Variants in RERE observed in about 807,000 individuals in gnomAD.
RERE encodes arginine-glutamic acid dipeptide repeats.
Under a neutral mutation model 146.1 loss-of-function variants are expected in RERE, and 40 were observed. The ratio of observed to expected loss-of-function variants is 0.27; its 90% confidence interval spans 0.21 to 0.36. The LOEUF (loss-of-function observed/expected upper bound fraction) is 0.36, where lower values mean the gene tolerates loss of function less well. RERE is among the 10% of genes least tolerant of loss of function. The pLI is 1.00. For missense variants in RERE, 1,933 were observed against 2,138.7 expected (o/e 0.90, Z 1.90); for synonymous variants, 1,003 against 866.0 (o/e 1.16, Z -2.78).
Position 8,726,147 on chromosome 1 carries a change from C to CTTTTTT in RERE, c.-144-69712_-144-69707dup, listed in dbSNP as rs70985511. ...AATTCCAGTTTTCCTTTTTTCTTTT[C>CTTTTTT]TTTTTTTTTTTTTTTTTTTTTTTTT... On this transcript the variant is annotated intron_variant, in intron 1 of 22. Coordinates refer to ENST00000400908, the MANE Select transcript of RERE (RefSeq NM_001042681.2). 4.7e-3 allele frequency among the ~76,000 whole-genome samples: 323 copies of CTTTTTT among 69,422 alleles called. 1 individual carries two copies. Among genetic ancestry groups the CTTTTTT allele is most frequent in the Non-Finnish European group, 5.6e-3 (227 of 40,378 alleles). 45.5% of individuals were successfully genotyped at this position (69,422 alleles called of 152,430 possible). A position where few individuals can be genotyped will look rare whatever the true frequency, so the allele number is the denominator to read the frequency against.
At chr1:8,608,549 G>T (rs1214906211) in intron 4 of RERE, among the ~76,000 whole-genome samples, 1 of 151,994 alleles carries the variant, frequency 6.6e-6, no homozygotes, top group South Asian at 2.1e-4. Context: ...CCCAAGAAAG[G>T]CAGGGCTGAA....
intron 9 of RERE, 76 bp from the exon 10 acceptor site, chr1:8,495,238 G>T: frequency 9.1e-7 from 1 of 1,093,206 alleles, no homozygotes; most frequent in Non-Finnish European, 1.4e-6. Flanking sequence ...AATTTTCAGA[G>T]GACATTTCCA....
At chr1:8,493,344 C>G (rs752551251) in intron 10 of RERE, among the ~76,000 whole-genome samples, 6 of 152,202 alleles carry the variant, frequency 3.9e-5, no homozygotes, top group Non-Finnish European at 7.3e-5. Flanking sequence ...AAAATCCCCA[C>G]TAACTATCCT....
At chr1:8,806,807 T>C (rs1186278885) in intron 1 of RERE, 1 of 152,200 alleles carries the variant, frequency 6.6e-6, no homozygotes, top group East Asian at 1.9e-4. Context: ...CCTGCTGTCA[T>C]CATATTCTTG....
intron 1 of RERE, among the ~76,000 whole-genome samples, chr1:8,784,371 C>T (rs189837453): frequency 2.6e-4 from 39 of 152,288 alleles, no homozygotes; most frequent in Admixed American, 2.6e-3. Flanking sequence ...ATTTATCATA[C>T]TCTAATATAC....
chr1:8,584,131 C>A (rs1313222791), intron 4 of RERE, among the ~76,000 whole-genome samples: 1 of 151,740 alleles, frequency 6.6e-6, no homozygotes, highest in Non-Finnish European at 1.5e-5. Flanking sequence ...TAAGACTAAA[C>A]CCGAAGCAAT....
At chr1:8,438,008 C>T (rs952931404) in intron 11 of RERE, among the ~76,000 whole-genome samples, 5 of 152,010 alleles carry the variant, frequency 3.3e-5, no homozygotes, top group Non-Finnish European at 7.4e-5. Flanking sequence ...TTTTTAGAGA[C>T]AGGGTCTTGC....
At chr1:8,661,463 T>A (rs1171345820) in intron 1 of RERE, among the ~76,000 whole-genome samples, 1 of 152,124 alleles carries the variant, frequency 6.6e-6, no homozygotes, top group Non-Finnish European at 1.5e-5. Context: ...AAGAAAGGCA[T>A]GATCTGACTT....
intron 12 of RERE, among the ~76,000 whole-genome samples, chr1:8,412,602 A>G (rs988626435): frequency 3.3e-5 from 5 of 152,248 alleles, no homozygotes; most frequent in African/African-American, 1.2e-4. Context: ...ACTGCTTAAG[A>G]CAGTATTTTA....
chr1:8,627,612 A>C (rs968073156), intron 2 of RERE, among the ~76,000 whole-genome samples: 3 of 150,568 alleles, frequency 2.0e-5, no homozygotes, highest in Non-Finnish European at 4.4e-5. Context: ...AAAAAAAAAA[A>C]CCTGAAATAA....
chr1:8,414,322 G>A (rs1570180178), intron 12 of RERE, among the ~76,000 whole-genome samples: 2 of 152,022 alleles, frequency 1.3e-5, no homozygotes, highest in Admixed American at 6.6e-5. Context: ...AGAGGCGGGC[G>A]AATCATGAGG....
At position 8,609,941 on chromosome 1, in the gene RERE, C is replaced by T. The variant is rs549334015; in HGVS notation, c.522+4620G>A. On this transcript the variant is annotated intron_variant, in intron 4 of 22. Coordinates refer to ENST00000400908, the MANE Select transcript of RERE (RefSeq NM_001042681.2). ...ATGCCACCACACCCAGATAATTTTT[C>T]ATTTTTTCGCAGAGATGGGATTTCA... is the stretch of plus-strand genomic sequence containing the variant. Among the ~76,000 whole-genome samples the T allele has an allele frequency of 5.3e-5, 8 of 152,108 alleles. No individual in the cohort carries two copies. The South Asian group carries it at 1.5e-3, about 28-fold the overall frequency.
At chr1:8,579,665 A>G (rs1646339959) in intron 4 of RERE, among the ~76,000 whole-genome samples, 1 of 152,228 alleles carries the variant, frequency 6.6e-6, no homozygotes, top group African/African-American at 2.4e-5. Flanking sequence ...AATGGTTCTT[A>G]ACTTTTGCTA....
intron 12 of RERE, among the ~76,000 whole-genome samples, chr1:8,414,401 C>T (rs2124461302): frequency 6.6e-6 from 1 of 151,768 alleles, no homozygotes; most frequent in African/African-American, 2.4e-5. Context: ...ACTAAAAATA[C>T]AAAACTCAGC....
At chr1:8,502,463 TG>T (rs1321278952) in intron 8 of RERE, among the ~76,000 whole-genome samples, 1 of 112,316 alleles carries the variant, frequency 8.9e-6, no homozygotes, top group Non-Finnish European at 1.8e-5. Context: ...GGGAGGGTGG[TG>T]GGGGGGTCAG....
At chr1:8,412,350 A>C (rs769251205) in intron 12 of RERE, among the ~76,000 whole-genome samples, 2 of 152,236 alleles carry the variant, frequency 1.3e-5, no homozygotes, top group Non-Finnish European at 2.9e-5. Context: ...GACTGTTTTC[A>C]AGATAATAAA....
chr1:8,815,299 ATG>A (rs1641889885), intron 1 of RERE, among the ~76,000 whole-genome samples: 1 of 152,244 alleles, frequency 6.6e-6, no homozygotes, highest in Non-Finnish European at 1.5e-5. Flanking sequence ...CACTAAAAAC[ATG>A]CAAACATCAT....
chr1:8,397,079 T>A (rs563480857), intron 12 of RERE, among the ~76,000 whole-genome samples: 1 of 152,354 alleles, frequency 6.6e-6, no homozygotes, highest in Non-Finnish European at 1.5e-5. Context: ...GAATGTTTAC[T>A]ATGTGACAGA....
chr1:8,709,650 G>T (rs551790731), intron 1 of RERE, among the ~76,000 whole-genome samples: 30 of 152,244 alleles, frequency 2.0e-4, no homozygotes, highest in African/African-American at 6.7e-4. Context: ...CTTTACAGAA[G>T]ACCATTAACA....
Sources: gnomAD v4.1 joint callset for allele counts (sites outside exome capture counted in the v4.1 genomes callset) on GRCh38, gnomAD v4.1.1 for gene constraint, MANE v1.5 for transcripts, NCBI Gene and HGNC (gene_info 2026-07-23, HGNC 2026-07-21) for gene names.